Variants in CBFB observed in about 807,000 individuals in gnomAD.
CBFB encodes core-binding factor subunit beta, also known as CBF-beta.
In CBFB, 9 loss-of-function variants were observed where a neutral mutation model predicts 30.4. The observed-to-expected ratio is 0.30, with a 90% CI of 0.18 to 0.52. CBFB has a LOEUF of 0.52. Ranked by LOEUF, CBFB falls within the 20% of genes least tolerant of loss-of-function variation. CBFB has a pLI of 0.97. For missense variants in CBFB, 170 were observed against 244.0 expected (o/e 0.70, Z 2.02); for synonymous variants, 94 against 84.0 (o/e 1.12, Z -0.65).
At chr16:67,069,089 C>CT (rs1414982902) in intron 4 of CBFB, among the ~76,000 whole-genome samples, 1 of 152,156 alleles carries the variant, frequency 6.6e-6, no homozygotes, top group Non-Finnish European at 1.5e-5. Flanking sequence ...TGGCGCATGC[C>CT]TGTAATCCCA....
chr16:67,081,711 C>T (rs1213684562), intron 4 of CBFB, among the ~76,000 whole-genome samples: 1 of 151,864 alleles, frequency 6.6e-6, no homozygotes, highest in Non-Finnish European at 1.5e-5. Flanking sequence ...GAGGCTGAGG[C>T]AGGAGAATTG....
intron 2 of CBFB, among the ~76,000 whole-genome samples, chr16:67,030,750 C>T (rs539033048): frequency 6.6e-6 from 1 of 152,246 alleles, no homozygotes; most frequent in East Asian, 1.9e-4. Flanking sequence ...CAGGTGCCTG[C>T]CACCACGCCC....
In CBFB at chr16:67,066,393, C is replaced by CAAAAA. The variant is rs56360240; in HGVS notation, c.283-276_283-272dup. 2.1e-4 allele frequency among the ~76,000 whole-genome samples: 20 copies of CAAAAA among 96,082 alleles called. 2 individuals are homozygous for CAAAAA. Among genetic ancestry groups the CAAAAA allele is most frequent in the African/African-American group, 1.1e-3 (20 of 17,674 alleles). The allele number at this position is 96,082 out of a possible 152,430, so 63.0% of individuals were successfully genotyped here. On this transcript the variant is annotated intron_variant, in intron 3 of 5. Coordinates refer to ENST00000412916, the MANE Select transcript of CBFB (RefSeq NM_022845.3). ...TGAAACCCCATCTCTACTAAAAATA[C>CAAAAA]AAAAAAAAAAAAAAAAATTAGCCAG... is the stretch of plus-strand genomic sequence containing the variant.
chr16:67,042,375 C>G (rs1162365572), intron 3 of CBFB, among the ~76,000 whole-genome samples: 2 of 152,210 alleles, frequency 1.3e-5, no homozygotes, highest in Non-Finnish European at 2.9e-5. Flanking sequence ...CCTCTAACTC[C>G]TGGCCTTAAG....
intron 3 of CBFB, among the ~76,000 whole-genome samples, chr16:67,054,989 C>G (rs187347281): frequency 1.1e-4 from 17 of 148,590 alleles, no homozygotes; most frequent in African/African-American, 4.2e-4. Context: ...TTTGTGTGTG[C>G]TACAAATGTT....
At chr16:67,076,757 G>A (rs1961410001) in intron 4 of CBFB, among the ~76,000 whole-genome samples, 2 of 152,126 alleles carry the variant, frequency 1.3e-5, no homozygotes, top group African/African-American at 2.4e-5. Context: ...TGAATAATCA[G>A]AGATTTCCAA....
chr16:67,050,803 A>T (rs1966727077), intron 3 of CBFB, among the ~76,000 whole-genome samples: 1 of 152,184 alleles, frequency 6.6e-6, no homozygotes, highest in Admixed American at 6.5e-5. Context: ...CAAAAAACTA[A>T]AAGTTTAAAA....
chr16:67,031,419 C>G (rs1267342348), intron 2 of CBFB, among the ~76,000 whole-genome samples: 1 of 152,178 alleles, frequency 6.6e-6, no homozygotes, highest in African/African-American at 2.4e-5. Flanking sequence ...TTACCTTTTG[C>G]AAAGGGAAGG....
At chr16:67,029,569 C>T in intron 1 of CBFB, 84 bp downstream of exon 1, 1 of 1,408,696 alleles carries the variant, frequency 7.1e-7, no homozygotes, top group Non-Finnish European at 9.6e-7. Flanking sequence ...GGCACGGTCC[C>T]CGGGAGTCCC....
intron 1 of CBFB, 77 bp from the exon 2 acceptor site, chr16:67,029,650 G>T (rs1185579671): frequency 1.4e-6 from 2 of 1,409,246 alleles, no homozygotes; most frequent in Non-Finnish European, 2.0e-6. Flanking sequence ...TGCCCTTATC[G>T]GCGCTGCGCT....
At chr16:67,033,875 G>A (rs925074236) in intron 2 of CBFB, among the ~76,000 whole-genome samples, 9 of 136,682 alleles carry the variant, frequency 6.6e-5, no homozygotes, top group Non-Finnish European at 1.4e-4. Context: ...AGGCTGGAGT[G>A]CAATGGCACG....
intron 3 of CBFB, among the ~76,000 whole-genome samples, chr16:67,046,075 C>T (rs567999584): frequency 2.6e-5 from 4 of 151,914 alleles, no homozygotes; most frequent in Admixed American, 6.6e-5. Context: ...GGATTATAGG[C>T]GCTCTGAGCC....
intron 3 of CBFB, among the ~76,000 whole-genome samples, chr16:67,045,855 A>T (rs1455706713): frequency 2.2e-5 from 3 of 134,036 alleles, no homozygotes; most frequent in African/African-American, 8.7e-5. Flanking sequence ...GAGTGCAGTG[A>T]TGTAATCTTG....
At chr16:67,085,914 G>A (rs760857521) in intron 5 of CBFB, among the ~76,000 whole-genome samples, 14 of 151,908 alleles carry the variant, frequency 9.2e-5, no homozygotes, top group African/African-American at 7.3e-5. Context: ...TCCTGACCTC[G>A]TGATCTGCCC....
intron 3 of CBFB, among the ~76,000 whole-genome samples, chr16:67,043,030 C>G (rs1276062110): frequency 1.3e-5 from 2 of 152,142 alleles, no homozygotes; most frequent in African/African-American, 4.8e-5. Flanking sequence ...GCCACTGCGC[C>G]TGGTCCACCA....
chr16:67,076,907 T>A (rs1489245549), intron 4 of CBFB, among the ~76,000 whole-genome samples: 1 of 147,586 alleles, frequency 6.8e-6, no homozygotes. Flanking sequence ...ATGAGATTAG[T>A]TTTTTTTTTT....
chr16:67,090,623 G>A (rs1015033984), intron 5 of CBFB, among the ~76,000 whole-genome samples: 1 of 152,168 alleles, frequency 6.6e-6, no homozygotes, highest in Admixed American at 6.5e-5. Context: ...ACCTAAAACT[G>A]TAATATAGCA....
intron 2 of CBFB, among the ~76,000 whole-genome samples, chr16:67,034,208 A>G (rs1966405063): frequency 1.3e-5 from 2 of 152,216 alleles, no homozygotes; most frequent in African/African-American, 2.4e-5. Context: ...AAATATTTAT[A>G]AGAAGTATGG....
chr16:67,058,005 TA>T (rs376357732), intron 3 of CBFB, among the ~76,000 whole-genome samples: 1 of 152,224 alleles, frequency 6.6e-6, no homozygotes, highest in Admixed American at 6.5e-5. Flanking sequence ...TCCCAAATTC[TA>T]AAAAACATTA....
Sources: allele counts gnomAD v4.1 joint callset (sites outside exome capture counted in the v4.1 genomes callset), GRCh38; gene constraint gnomAD v4.1.1; transcripts MANE v1.5; gene names NCBI Gene and HGNC (gene_info 2026-07-23, HGNC 2026-07-21).